Variants in CCDC33 observed in about 807,000 individuals in gnomAD.
The protein encoded by CCDC33 is coiled-coil domain containing 33, also known as coiled-coil domain-containing protein 33.
CCDC33 carries 94 observed loss-of-function variants against 91.9 expected under a neutral mutation model. That is an observed-to-expected ratio of 1.02 (90% CI 0.87 to 1.21). The LOEUF (loss-of-function observed/expected upper bound fraction) is 1.21, where lower values mean the gene tolerates loss of function less well. Among genes scored for constraint, CCDC33 ranks in the 50% most tolerant of loss-of-function variants. The pLI is 0.00. For missense variants in CCDC33, 940 were observed against 935.5 expected (o/e 1.00, Z -0.06); for synonymous variants, 396 against 374.5 (o/e 1.06, Z -0.66).
At chr15:74,295,726 G>A in intron 10 of CCDC33, 28 bp from the exon 11 acceptor site, 1 of 1,591,008 alleles carries the variant, frequency 6.3e-7, no homozygotes, top group Non-Finnish European at 8.6e-7. Context: ...GGCCTGTCCT[G>A]AAGTTTCTCT....
upstream of CCDC33, among the ~76,000 whole-genome samples, chr15:74,214,070 A>G (rs1411751540): frequency 6.7e-6 from 1 of 149,390 alleles, no homozygotes; most frequent in Non-Finnish European, 1.5e-5. Context: ...GGGGGTGGGG[A>G]GGGAGTTGGA....
At chr15:74,249,460 C>T (rs1180807337) in intron 2 of CCDC33, among the ~76,000 whole-genome samples, 2 of 151,756 alleles carry the variant, frequency 1.3e-5, no homozygotes, top group Admixed American at 1.3e-4. Flanking sequence ...TGCACTCCAG[C>T]CTGGGTGACA....
intron 1 of CCDC33, among the ~76,000 whole-genome samples, chr15:74,204,937 A>G (rs1442810621): frequency 7.4e-6 from 1 of 134,662 alleles, no homozygotes; most frequent in Non-Finnish European, 1.7e-5. Context: ...TCCATCTCAA[A>G]AAAAAAGAAA....
intron 2 of CCDC33, among the ~76,000 whole-genome samples, chr15:74,226,827 C>CAA (rs1167716008): frequency 6.0e-5 from 5 of 83,722 alleles, no homozygotes; most frequent in Non-Finnish European, 7.4e-5. Flanking sequence ...GACTCCATCT[C>CAA]AAAAAAAAAA....
At chr15:74,297,213 C>T (rs1326536400) in intron 11 of CCDC33, among the ~76,000 whole-genome samples, 1 of 152,240 alleles carries the variant, frequency 6.6e-6, no homozygotes, top group Non-Finnish European at 1.5e-5. Flanking sequence ...ACAATTTTCT[C>T]CCGTCACCTC....
chr15:74,266,181 G>A (rs2076160817), intron 3 of CCDC33, among the ~76,000 whole-genome samples: 1 of 152,162 alleles, frequency 6.6e-6, no homozygotes, highest in Non-Finnish European at 1.5e-5. Flanking sequence ...GGATTTCCTT[G>A]AGCAGATCAC....
rs746416684 is a variant in CCDC33 at position 74,280,785 on chromosome 15, A to C, written c.1007A>C (p.Glu336Ala). ...TGKGLDGLHV[E>A]RLPIMDTSLK... ...AAAGGCTTGGACGGGCTTCACGTGGAGCGGCTCCCCATCATGGTGAGCCCC... is the reference window on the plus strand; with the variant it reads ...AAAGGCTTGGACGGGCTTCACGTGGCGCGGCTCCCCATCATGGTGAGCCCC... The change falls in exon 9 of 19, where the codon GAG (glutamate) becomes GCG (alanine). Residue 336 changes from glutamate (E) to alanine (A), a missense_variant. By Grantham distance (107) the Glu-to-Ala change is moderately radical. Transcript: ENST00000398814. The C allele has an allele frequency of 7.8e-6, 12 of 1,542,470 alleles. No homozygotes were observed. The South Asian group carries it at 1.5e-4, about 19-fold the overall frequency.
At position 74,295,842 on chromosome 15, in the gene CCDC33, A is replaced by G. The variant is rs1481276086; in HGVS notation, c.1184A>G (p.Gln395Arg). 6.2e-6 allele frequency: 10 copies of G among 1,614,172 alleles called. No homozygotes were observed. The highest frequency in any genetic ancestry group is 8.5e-6 in the Non-Finnish European group (10 of 1,180,022). The change falls in exon 11 of 19, where the codon CAA (glutamine) becomes CGA (arginine). Residue 395 changes from glutamine (Q) to arginine (R), a missense_variant. Physicochemically the swap from Gln to Arg is conservative, Grantham distance 43. Transcript: ENST00000398814. Reference protein sequence around the residue: ...KILDKKLRTIQESWSKDTVSS... With the variant: ...KILDKKLRTIRESWSKDTVSS... ...CTGGATAAGAAGCTGAGAACCATCC[A>G]AGAGTCCTGGTCCAAGGACACAGTG...
Position 74,252,904 on chromosome 15 carries a change from G to T in CCDC33, c.185+8756G>T, listed in dbSNP as rs117387878. 3.6e-4 allele frequency among the ~76,000 whole-genome samples: 55 copies of T among 152,296 alleles called. 1 individual carries two copies. In the East Asian group the frequency reaches 9.1e-3, roughly 25 times the overall value. On this transcript the variant is annotated intron_variant, in intron 2 of 18. Transcript: ENST00000398814. ...AGTGAGAACTTCCCTTTGTCCCAGG[G>T]TTATAAACACAGCTGGTGTCAGTGG...
At chr15:74,209,597 C>G in intron 2 of CCDC33, 1 of 657,434 alleles carries the variant, frequency 1.5e-6, no homozygotes, top group African/African-American at 1.8e-5. Context: ...CTATTTCTCA[C>G]TTCTCACAGA....
In CCDC33 at chr15:74,240,838, C is replaced by T. The variant is rs886598068; in HGVS notation, c.22-3147C>T. 1.2e-4 allele frequency among the ~76,000 whole-genome samples: 19 copies of T among 152,198 alleles called. 1 individual carries two copies. Among genetic ancestry groups the T allele is most frequent in the Admixed American group, 3.9e-4 (6 of 15,290 alleles). ...GATCTCCCAGCCTCCAGTGATTTGC[C>T]CGCCTCGGCCTCCCAAAGTGCTGGG... On this transcript the variant is annotated intron_variant, in intron 1 of 18. Coordinates refer to ENST00000398814, the MANE Select transcript of CCDC33 (RefSeq NM_025055.5).
At chr15:74,251,541 C>A (rs1419597240) in intron 2 of CCDC33, among the ~76,000 whole-genome samples, 1 of 152,202 alleles carries the variant, frequency 6.6e-6, no homozygotes, top group Non-Finnish European at 1.5e-5. Flanking sequence ...TGCCTGCTGC[C>A]CAGAGCTAAT....
chr15:74,251,103 C>G (rs375499189), intron 2 of CCDC33, among the ~76,000 whole-genome samples: 23 of 152,362 alleles, frequency 1.5e-4, no homozygotes, highest in African/African-American at 5.5e-4. Context: ...CTTCCCATGG[C>G]CAGGATGTAA....
chr15:74,262,908 A>T (rs921276896), intron 3 of CCDC33, among the ~76,000 whole-genome samples: 2 of 152,094 alleles, frequency 1.3e-5, no homozygotes, highest in Non-Finnish European at 2.9e-5. Flanking sequence ...CACATCACTC[A>T]TTGGAGTCAC....
At chr15:74,245,867 A>G (rs960624516) in intron 2 of CCDC33, among the ~76,000 whole-genome samples, 1 of 152,200 alleles carries the variant, frequency 6.6e-6, no homozygotes, top group African/African-American at 2.4e-5. Flanking sequence ...GGCTCCAGAC[A>G]GGCGAAGCTG....
chr15:74,333,782 G>A, intron 16 of CCDC33, 99 bp from the exon 17 acceptor site: 1 of 941,136 alleles, frequency 1.1e-6, no homozygotes, highest in South Asian at 1.6e-5. Context: ...TCTGAACTCA[G>A]GCCTGACTGG....
intron 2 of CCDC33, among the ~76,000 whole-genome samples, chr15:74,250,191 C>A (rs2075661180): frequency 2.0e-5 from 3 of 152,224 alleles, no homozygotes; most frequent in Non-Finnish European, 4.4e-5. Context: ...TCCAACTGCT[C>A]TTGGTTCCTC....
chr15:74,309,883 C>T (rs919825825), intron 11 of CCDC33, among the ~76,000 whole-genome samples: 6 of 152,196 alleles, frequency 3.9e-5, no homozygotes, highest in Admixed American at 3.9e-4. Flanking sequence ...CGCAGTGGCT[C>T]ACACCTGTAA....
chr15:74,256,478 G>A (rs553308803), intron 2 of CCDC33, among the ~76,000 whole-genome samples: 14 of 152,252 alleles, frequency 9.2e-5, no homozygotes, highest in South Asian at 2.1e-4. Context: ...AGGATTCCAC[G>A]TCCTGGCAAG....
Sources: allele counts gnomAD v4.1 joint callset (sites outside exome capture counted in the v4.1 genomes callset), GRCh38; gene constraint gnomAD v4.1.1; transcripts MANE v1.5; gene names NCBI Gene and HGNC (gene_info 2026-07-23, HGNC 2026-07-21).